Variants in AGBL4 observed in about 807,000 individuals in gnomAD.
The protein encoded by AGBL4 is cytosolic carboxypeptidase 6.
A neutral mutation model predicts 66.4 loss-of-function variants in AGBL4; 58 were observed. The ratio of observed to expected loss-of-function variants is 0.87; its 90% CI spans 0.71 to 1.09. The LOEUF (loss-of-function observed/expected upper bound fraction) is 1.09, where lower values mean the gene tolerates loss of function less well. AGBL4 is among the 50% of genes least tolerant of loss of function. The pLI is 0.00. For missense variants in AGBL4, 579 were observed against 631.0 expected (o/e 0.92, Z 0.88); for synonymous variants, 234 against 222.9 (o/e 1.05, Z -0.44).
chr1:49,733,980 T>C (rs1483214873), intron 2 of AGBL4, among the ~76,000 whole-genome samples: 1 of 152,100 alleles, frequency 6.6e-6, no homozygotes, highest in African/African-American at 2.4e-5. Context: ...TGGTTTCATA[T>C]CCAAAAATCA....
At chr1:48,802,434 T>A (rs1211523597) in intron 6 of AGBL4, among the ~76,000 whole-genome samples, 1 of 143,368 alleles carries the variant, frequency 7.0e-6, no homozygotes, top group Admixed American at 7.0e-5. Context: ...TGGACCCCCA[T>A]CAGTCTGGGC....
At chr1:49,113,102 C>A (rs1469905465) in intron 4 of AGBL4, among the ~76,000 whole-genome samples, 3 of 152,080 alleles carry the variant, frequency 2.0e-5, no homozygotes, top group African/African-American at 4.8e-5. Context: ...AGGCGCCTGC[C>A]ACCACGCCTG....
At chr1:49,937,218 C>G (rs1162164769) in intron 1 of AGBL4, among the ~76,000 whole-genome samples, 1 of 151,928 alleles carries the variant, frequency 6.6e-6, no homozygotes, top group Non-Finnish European at 1.5e-5. Context: ...GACATTAAAC[C>G]AACAAAGATC....
At chr1:48,527,333 C>T in the AGBL4 span, among the ~76,000 whole-genome samples, 6 of 152,008 alleles carry the variant, frequency 3.9e-5, 1 homozygote, top group South Asian at 4.2e-4. Flanking sequence ...CAACAGCTCA[C>T]GCCTGTAATC....
At chr1:49,362,571 C>T (rs1644163215) in intron 3 of AGBL4, among the ~76,000 whole-genome samples, 3 of 151,796 alleles carry the variant, frequency 2.0e-5, no homozygotes, top group East Asian at 3.9e-4. Flanking sequence ...AGAAACCAGT[C>T]TTTTCTTTGC....
rs569301523 is a variant in AGBL4, at chr1:49,764,058, G to A, written c.158-66621C>T. On this transcript the variant is annotated intron_variant, in intron 2 of 13. Coordinates refer to ENST00000371839, the MANE Select transcript of AGBL4 (RefSeq NM_032785.4). Reference sequence around the variant, plus strand: ...GGAAAGCAGCCATACTTCACGCTGCGCAACCCCCTACATCTGCTGCTCCTC... The same window carrying A: ...GGAAAGCAGCCATACTTCACGCTGCACAACCCCCTACATCTGCTGCTCCTC... Among the ~76,000 whole-genome samples the A allele has an allele frequency of 4.3e-4, 66 of 152,108 alleles. 3 individuals carry two copies. In the South Asian group the frequency reaches 8.9e-3, roughly 21 times the overall value.
chr1:49,913,695 G>A (rs1297543059), intron 1 of AGBL4, among the ~76,000 whole-genome samples: 3 of 152,248 alleles, frequency 2.0e-5, no homozygotes, highest in African/African-American at 7.2e-5. Context: ...GGGCAACTAG[G>A]CTATTTGCAA....
chr1:48,779,231 A>G (rs890289233), intron 6 of AGBL4, among the ~76,000 whole-genome samples: 1 of 152,220 alleles, frequency 6.6e-6, no homozygotes, highest in Admixed American at 6.5e-5. Context: ...TCCTCTCTGC[A>G]TCTAAATGGG....
At chr1:48,962,135 A>G (rs11205580) in intron 5 of AGBL4, among the ~76,000 whole-genome samples, 1,980 of 151,290 alleles carry the variant, frequency 0.013, 53 homozygotes, top group African/African-American at 0.043. Context: ...CCGTCCATCC[A>G]TCCATCATCC....
chr1:48,814,308 T>G, intron 6 of AGBL4, among the ~76,000 whole-genome samples: 1 of 152,112 alleles, frequency 6.6e-6, no homozygotes, highest in Non-Finnish European at 1.5e-5. Flanking sequence ...TCTGCTCATT[T>G]GCTACTTTTT....
chr1:49,161,819 T>C (rs925571801), intron 4 of AGBL4, among the ~76,000 whole-genome samples: 1 of 151,036 alleles, frequency 6.6e-6, no homozygotes, highest in African/African-American at 2.4e-5. Context: ...TTCTAAGATA[T>C]TACTCCCTGC....
intron 1 of AGBL4, among the ~76,000 whole-genome samples, chr1:49,862,195 T>C (rs540149768): frequency 6.6e-6 from 1 of 152,144 alleles, no homozygotes; most frequent in East Asian, 1.9e-4. Context: ...ACATAGAGAT[T>C]GAAATACCTT....
intron 6 of AGBL4, among the ~76,000 whole-genome samples, chr1:48,731,343 C>T (rs1272409241): frequency 6.6e-6 from 1 of 152,142 alleles, no homozygotes; most frequent in Non-Finnish European, 1.5e-5. Context: ...GCCTGAAAGC[C>T]CAGTTCAGCT....
At chr1:49,184,779 C>G (rs1442912779) in intron 4 of AGBL4, among the ~76,000 whole-genome samples, 1 of 152,168 alleles carries the variant, frequency 6.6e-6, no homozygotes, top group Non-Finnish European at 1.5e-5. Context: ...GCACAAGAGG[C>G]TCTGCCAATT....
At chr1:48,710,662 G>T (rs1646951833) in intron 6 of AGBL4, among the ~76,000 whole-genome samples, 1 of 152,172 alleles carries the variant, frequency 6.6e-6, no homozygotes, top group Non-Finnish European at 1.5e-5. Context: ...CTCCATCCCT[G>T]CTCCCCTCTG....
intron 6 of AGBL4, among the ~76,000 whole-genome samples, chr1:48,773,652 T>C (rs776020572): frequency 1.6e-4 from 25 of 152,190 alleles, no homozygotes; most frequent in Non-Finnish European, 2.6e-4. Flanking sequence ...TTCCAAATCA[T>C]GCTGTGTAGC....
chr1:49,635,538 G>A (rs187984078), intron 3 of AGBL4, among the ~76,000 whole-genome samples: 5 of 152,190 alleles, frequency 3.3e-5, no homozygotes, highest in South Asian at 4.1e-4. Context: ...CTCCAAATCC[G>A]TAAGAAAATG....
chr1:48,945,252 C>T (rs1656399896), intron 5 of AGBL4, among the ~76,000 whole-genome samples: 1 of 152,106 alleles, frequency 6.6e-6, no homozygotes, highest in Non-Finnish European at 1.5e-5. Context: ...CTTGCAATGT[C>T]CTTGGAACAC....
chr1:49,068,517 G>C (rs1029981024), intron 4 of AGBL4, among the ~76,000 whole-genome samples: 2 of 152,014 alleles, frequency 1.3e-5, no homozygotes, highest in African/African-American at 2.4e-5. Context: ...TGCTGAGAAT[G>C]ATGGTTTCCA....
Sources: gnomAD v4.1 joint callset for allele counts (sites outside exome capture counted in the v4.1 genomes callset) on GRCh38, gnomAD v4.1.1 for gene constraint, MANE v1.5 for transcripts, NCBI Gene and HGNC (gene_info 2026-07-23, HGNC 2026-07-21) for gene names.